BACE2: variants seen among roughly 807,000 people sequenced by gnomAD.
BACE2 encodes beta-secretase 2, also known as 56 kDa aspartic-like protease.
Under a neutral mutation model 46.2 loss-of-function variants are expected in BACE2, and 17 were observed. The observed-to-expected ratio is 0.37, with a 90% CI of 0.25 to 0.55. The LOEUF (loss-of-function observed/expected upper bound fraction) is 0.55. Ranked by LOEUF, BACE2 falls within the 20% of genes least tolerant of loss-of-function variation. The pLI, the probability that BACE2 is intolerant of heterozygous loss-of-function variation, is 0.82. For synonymous variants in BACE2, 277 were observed against 295.9 expected, an observed-to-expected ratio of 0.94 and a Z score of 0.66; for missense variants, 595 against 698.1, an observed-to-expected ratio of 0.85 and a Z score of 1.66.
chr21:41,199,855 T>C (rs1041913954), intron 1 of BACE2, among the ~76,000 whole-genome samples: 1 of 152,202 alleles, frequency 6.6e-6, no homozygotes, highest in African/African-American at 2.4e-5. Flanking sequence ...CCTCCAAAAA[T>C]AGCCCTTCCA....
At chr21:41,217,152 G>A (rs1418914513) in intron 1 of BACE2, among the ~76,000 whole-genome samples, 1 of 152,134 alleles carries the variant, frequency 6.6e-6, no homozygotes, top group Non-Finnish European at 1.5e-5. Context: ...GGCTGGTCTT[G>A]AACTCTGACC....
intron 1 of BACE2, chr21:41,183,381 A>G (rs1985220372): frequency 6.0e-6 from 1 of 167,112 alleles, no homozygotes; most frequent in South Asian, 2.1e-4. Flanking sequence ...CCAGTTTGAC[A>G]GCACGCTAGA....
At chr21:41,227,658 T>C (rs1986859001) in intron 2 of BACE2, among the ~76,000 whole-genome samples, 1 of 152,200 alleles carries the variant, frequency 6.6e-6, no homozygotes, top group Admixed American at 6.5e-5. Flanking sequence ...CAGAAAAATA[T>C]GGCTGGCCCC....
rs1984452845 is a variant in BACE2 at position 41,168,273 on chromosome 21, C to T, written c.10C>T (p.Leu4=). MGA[L]ARALLLPLLA... ...GGGCCCCGCCGTGGGCATGGGCGCA[C>T]TGGCCCGGGCGCTGCTGCTGCCTCT... Residue 4 remains leucine, a synonymous_variant, in exon 1 of 9, where the codon CTG becomes TTG. Transcript: ENST00000330333. 1.7e-6 allele frequency: 2 copies of T among 1,204,008 alleles called. No individual in the cohort carries two copies. Among genetic ancestry groups the T allele is most frequent in the African/African-American group, 1.6e-5 (1 of 62,604 alleles). 74.6% of individuals were successfully genotyped at this position (1,204,008 alleles called of 1,614,324 possible). A position where few individuals can be genotyped will look rare whatever the true frequency, so the allele number is the denominator to read the frequency against.
intron 1 of BACE2, among the ~76,000 whole-genome samples, chr21:41,173,470 G>A (rs920762435): frequency 6.6e-6 from 1 of 152,172 alleles, no homozygotes; most frequent in Admixed American, 6.5e-5. Context: ...GGCGGGGCGC[G>A]GTGGCTCATG....
intron 1 of BACE2, among the ~76,000 whole-genome samples, chr21:41,214,561 C>G (rs959666434): frequency 1.3e-5 from 2 of 152,334 alleles, no homozygotes; most frequent in Middle Eastern, 3.4e-3. Context: ...AACTCTTTTA[C>G]TCTCAGATTT....
chr21:41,274,169 C>G (rs2088461627), intron 8 of BACE2, among the ~76,000 whole-genome samples: 1 of 152,100 alleles, frequency 6.6e-6, no homozygotes, highest in Non-Finnish European at 1.5e-5. Flanking sequence ...GTGCATCCCT[C>G]TGTTCTCGGT....
intron 8 of BACE2, among the ~76,000 whole-genome samples, chr21:41,260,937 C>T (rs1053086204): frequency 3.3e-5 from 5 of 152,020 alleles, no homozygotes; most frequent in African/African-American, 1.2e-4. Context: ...TAGTGTGTAT[C>T]CTTTGTCAAC....
At chr21:41,239,535 G>A (rs932534940) in intron 3 of BACE2, among the ~76,000 whole-genome samples, 13 of 152,100 alleles carry the variant, frequency 8.5e-5, no homozygotes, top group East Asian at 1.9e-4. Flanking sequence ...ATGCCACAAC[G>A]CCTGGCTAAG....
chr21:41,195,641 A>G (rs555286270), intron 1 of BACE2, among the ~76,000 whole-genome samples: 5 of 152,316 alleles, frequency 3.3e-5, no homozygotes, highest in African/African-American at 9.6e-5. Flanking sequence ...GTCATGAGCA[A>G]GGTGGGGAAA....
At chr21:41,264,401 T>C (rs902686592) in intron 8 of BACE2, among the ~76,000 whole-genome samples, 1 of 151,690 alleles carries the variant, frequency 6.6e-6, no homozygotes, top group East Asian at 1.9e-4. Context: ...TGGGCAACTG[T>C]GTTAGTTCAT....
intron 1 of BACE2, among the ~76,000 whole-genome samples, chr21:41,204,710 A>T (rs748187194): frequency 4.8e-4 from 73 of 152,234 alleles, no homozygotes; most frequent in Non-Finnish European, 8.4e-4. Flanking sequence ...CTATACCATA[A>T]TTAAAGCAAA....
intron 8 of BACE2, among the ~76,000 whole-genome samples, chr21:41,270,612 A>C (rs2088425303): frequency 6.6e-6 from 1 of 152,218 alleles, no homozygotes; most frequent in Non-Finnish European, 1.5e-5. Context: ...TTTCCAAATA[A>C]TTAGGGATTT....
intron 1 of BACE2, among the ~76,000 whole-genome samples, chr21:41,187,963 T>C (rs1324207304): frequency 6.6e-6 from 1 of 152,240 alleles, no homozygotes; most frequent in Non-Finnish European, 1.5e-5. Flanking sequence ...ACGTAGTAGT[T>C]CCTTTATATT....
At chr21:41,184,958 A>G (rs8130833) in intron 1 of BACE2, 60,148 of 166,910 alleles carry the variant, frequency 0.36, 12,584 homozygotes, top group African/African-American at 0.6. Context: ...TATATTCGTC[A>G]TCTAACTTGT....
In BACE2 at chr21:41,282,134, C is replaced by A. The variant is rs2088554513; in HGVS notation, c.*6510C>A. 2.0e-5 allele frequency: 3 copies of A among 152,192 alleles called. No homozygotes were observed. In the South Asian group the frequency reaches 6.2e-4, roughly 31 times the overall value. The allele number at this position is 152,192 out of a possible 1,614,324, so 9.4% of individuals were successfully genotyped here. On this transcript the variant is annotated 3_prime_UTR_variant, in exon 9 of 9. Transcript: ENST00000330333. ...GCAGGAGAGCTGCAAACTGTGTATCCTCAAACAGATGCAAAAAGTAGTGCT... is the reference window on the plus strand; with the variant it reads ...GCAGGAGAGCTGCAAACTGTGTATCATCAAACAGATGCAAAAAGTAGTGCT...
In BACE2 at chr21:41,193,822, A is replaced by G. The variant is rs1985652862; in HGVS notation, c.312+25247A>G. 6.6e-6 allele frequency among the ~76,000 whole-genome samples: 1 copy of G among 152,204 alleles called. No individual in the cohort carries two copies. The highest frequency in any genetic ancestry group is 2.4e-5 in the African/African-American group (1 of 41,452). The stretch of plus-strand genomic sequence containing the variant: ...CCGTAAGCCTCTACTTTACTGGAGG[A>G]CCACAGTGACATTTTGGGTCCTCTG... On this transcript the variant is annotated intron_variant, in intron 1 of 8. Transcript: ENST00000330333. The surrounding 1 kb of genome is among the most constrained non-coding windows in gnomAD (Gnocchi z 4.2).
intron 1 of BACE2, among the ~76,000 whole-genome samples, chr21:41,172,613 T>G (rs1481629650): frequency 1.3e-5 from 2 of 152,334 alleles, no homozygotes; most frequent in African/African-American, 4.8e-5. Context: ...AGTGTTTTAG[T>G]TACAGTAACT....
At chr21:41,199,337 G>A (rs1465033348) in intron 1 of BACE2, among the ~76,000 whole-genome samples, 1 of 151,954 alleles carries the variant, frequency 6.6e-6, no homozygotes, top group East Asian at 1.9e-4. Context: ...CCTTCTGGAG[G>A]GAGCCCCAGG....
Sources: allele counts gnomAD v4.1 joint callset (sites outside exome capture counted in the v4.1 genomes callset), GRCh38; gene constraint gnomAD v4.1.1; non-coding constraint Gnocchi (gnomAD v3.1); transcripts MANE v1.5; gene names NCBI Gene and HGNC (gene_info 2026-07-23, HGNC 2026-07-21).